VPS50: variants seen among roughly 807,000 people sequenced by gnomAD.
VPS50 encodes the protein syndetin.
Under a neutral mutation model 139.7 loss-of-function variants are expected in VPS50, and 70 were observed. That is an observed-to-expected ratio of 0.50 (90% confidence interval 0.41 to 0.61). VPS50 has a LOEUF of 0.61. VPS50 is among the 20% of genes least tolerant of loss of function. The probability of loss-of-function intolerance (pLI) is 0.00; values close to 1 mark genes in which losing one functional copy is unlikely to be tolerated. For missense variants in VPS50, 921 were observed against 1,133.7 expected (o/e 0.81, Z 2.69); for synonymous variants, 365 against 376.7 (o/e 0.97, Z 0.36).
At position 93,276,286 on chromosome 7, in the gene VPS50, A is replaced by C. The variant is rs1796150565; in HGVS notation, c.923A>C (p.Gln308Pro). 6.2e-7 allele frequency: 1 copy of C among 1,613,282 alleles called. No individual in the cohort carries two copies. Among genetic ancestry groups the C allele is most frequent in the African/African-American group, 1.3e-5 (1 of 74,914 alleles). ...ACAGACACAAAATTCCAAAAGCTGC[A>C]ATATAAGGATCTCTGTACAGTATGT... ...GNTDTKFQKL[Q>P]YKDLCTHVTP... Residue 308 changes from glutamine to proline, a missense_variant, in exon 12 of 28, where the codon CAA (glutamine) becomes CCA (proline). Transcript: ENST00000305866.
chr7:93,348,857 T>A, intron 24 of VPS50, 50 bp downstream of exon 24: 1 of 1,218,504 alleles, frequency 8.2e-7, no homozygotes, highest in Non-Finnish European at 1.2e-6. Flanking sequence ...GATAGGACTG[T>A]CACAGATTAT....
intron 23 of VPS50, among the ~76,000 whole-genome samples, chr7:93,343,107 A>G (rs1182074248): frequency 6.6e-6 from 1 of 152,250 alleles, no homozygotes; most frequent in African/African-American, 2.4e-5. Context: ...CGAATGTATA[A>G]GTAGAATAAC....
chr7:93,267,151 T>C (rs1489968644), intron 9 of VPS50, among the ~76,000 whole-genome samples: 1 of 152,226 alleles, frequency 6.6e-6, no homozygotes. Context: ...TTCAGATATA[T>C]TTCTTTTTCC....
intron 20 of VPS50, among the ~76,000 whole-genome samples, chr7:93,317,838 G>A (rs1797473338): frequency 6.6e-6 from 1 of 152,076 alleles, no homozygotes; most frequent in Admixed American, 6.5e-5. Flanking sequence ...TGTTTTTAAA[G>A]TATCCTTGTT....
chr7:93,342,939 A>G (rs1479463530), intron 23 of VPS50, among the ~76,000 whole-genome samples: 1 of 152,200 alleles, frequency 6.6e-6, no homozygotes, highest in Non-Finnish European at 1.5e-5. Context: ...TCCTCCTCCA[A>G]AGGAACACAG....
intron 22 of VPS50, among the ~76,000 whole-genome samples, chr7:93,341,096 C>T (rs1026890288): frequency 5.3e-5 from 8 of 152,160 alleles, no homozygotes; most frequent in Non-Finnish European, 1.2e-4. Context: ...AATCATATTT[C>T]TCTCATTTAC....
chr7:93,244,037 G>A (rs562834763), intron 2 of VPS50, among the ~76,000 whole-genome samples: 11 of 151,682 alleles, frequency 7.3e-5, no homozygotes, highest in Non-Finnish European at 1.2e-4. Flanking sequence ...ATGGGATTCA[G>A]CTGTCTTTAC....
chr7:93,329,830 G>T (rs1330512488), intron 21 of VPS50, among the ~76,000 whole-genome samples: 1 of 152,090 alleles, frequency 6.6e-6, no homozygotes, highest in Non-Finnish European at 1.5e-5. Flanking sequence ...GTGAAATTAA[G>T]ATACTTTTAG....
At chr7:93,242,450 A>G (rs775556163) in intron 2 of VPS50, among the ~76,000 whole-genome samples, 23 of 151,750 alleles carry the variant, frequency 1.5e-4, no homozygotes, top group Non-Finnish European at 2.7e-4. Context: ...TCTAGAAATT[A>G]TTTGGAAGCT....
intron 12 of VPS50, among the ~76,000 whole-genome samples, chr7:93,281,446 CAG>C (rs1279854340): frequency 6.6e-6 from 1 of 152,126 alleles, no homozygotes; most frequent in Non-Finnish European, 1.5e-5. Context: ...TTTCTCTCAT[CAG>C]ATACTGTGAG....
chr7:93,274,732 A>G (rs1796104698), intron 11 of VPS50, among the ~76,000 whole-genome samples: 4 of 152,298 alleles, frequency 2.6e-5, no homozygotes, highest in South Asian at 2.1e-4. Context: ...TTATAAGGCT[A>G]TAGGTACCAT....
rs1351362212 is a variant in VPS50 at position 93,259,628 on chromosome 7, A to G, written c.655A>G (p.Ile219Val). Residue 219 changes from isoleucine to valine, a missense_variant, in exon 9 of 28, where the codon ATA (isoleucine) becomes GTA (valine). Coordinates refer to ENST00000305866, the MANE Select transcript of VPS50 (RefSeq NM_017667.4). ...AASTFKHYSC[I>V]SELNSKLQDT... Reference sequence around the variant, plus strand: ...CAGCACTTTTAAACATTACAGTTGTATAAGGTAAGGTCATGTAAATGTTTT... The same window carrying G: ...CAGCACTTTTAAACATTACAGTTGTGTAAGGTAAGGTCATGTAAATGTTTT... 1.9e-6 allele frequency: 3 copies of G among 1,544,894 alleles called. No individual in the cohort carries two copies. Among genetic ancestry groups the G allele is most frequent in the Non-Finnish European group, 2.7e-6 (3 of 1,117,446 alleles).
At chr7:93,341,707 A>G in intron 23 of VPS50, 132 bp downstream of exon 23, 1 of 556,878 alleles carries the variant, frequency 1.8e-6, no homozygotes, top group South Asian at 3.2e-5. Flanking sequence ...GTTTCTGAGA[A>G]GTATATTCTA....
chr7:93,256,859 A>G (rs1259127491), intron 5 of VPS50, among the ~76,000 whole-genome samples: 1 of 152,130 alleles, frequency 6.6e-6, no homozygotes. Context: ...AAATAGATTC[A>G]CCAATATTGA....
At chr7:93,298,884 A>AT (rs1443106261) in intron 16 of VPS50, among the ~76,000 whole-genome samples, 3 of 152,106 alleles carry the variant, frequency 2.0e-5, no homozygotes, top group Non-Finnish European at 4.4e-5. Context: ...TTCTTGTCGC[A>AT]TTTTTTGCTG....
intron 17 of VPS50, among the ~76,000 whole-genome samples, chr7:93,305,050 T>C (rs2116972823): frequency 6.6e-6 from 1 of 152,094 alleles, no homozygotes; most frequent in Non-Finnish European, 1.5e-5. Flanking sequence ...TTTGGGATTA[T>C]TCTGTTTAGA....
chr7:93,255,377 A>G (rs1008094064), intron 4 of VPS50, among the ~76,000 whole-genome samples: 1 of 152,096 alleles, frequency 6.6e-6, no homozygotes, highest in Non-Finnish European at 1.5e-5. Context: ...ATGAGAATCT[A>G]ATGCCACCGC....
rs201670312 is a variant in VPS50 at position 93,271,266 on chromosome 7, A to G, written c.702+4A>G. 1.1e-4 allele frequency: 173 copies of G among 1,559,814 alleles called. No homozygotes were observed. The highest frequency in any genetic ancestry group is 1.4e-4 in the Non-Finnish European group (165 of 1,160,320). ...AGATACTTTGGAACAGATTGAGGTA[A>G]GAAGTATTATATCCTAACCTTAATG... On this transcript the variant is annotated splice_donor_region_variant and intron_variant, in intron 10 of 27. Coordinates refer to ENST00000305866, the MANE Select transcript of VPS50 (RefSeq NM_017667.4).
chr7:93,356,247 AC>A, intron 27 of VPS50, 167 bp downstream of exon 27: 1 of 382,736 alleles, frequency 2.6e-6, no homozygotes, highest in Non-Finnish European at 4.8e-6. Flanking sequence ...GATTAAGGGC[AC>A]CGTATCTAAG....
Sources: gnomAD v4.1 joint callset for allele counts (sites outside exome capture counted in the v4.1 genomes callset) on GRCh38, gnomAD v4.1.1 for gene constraint, MANE v1.5 for transcripts, NCBI Gene and HGNC (gene_info 2026-07-23, HGNC 2026-07-21) for gene names.